ROBO1: variants seen among roughly 807,000 people sequenced by gnomAD.
The protein encoded by ROBO1 is roundabout homolog 1.
Under a neutral mutation model 195.9 loss-of-function variants are expected in ROBO1, and 149 were observed. That is an observed-to-expected ratio of 0.76 (90% confidence interval 0.67 to 0.87). ROBO1 has a LOEUF of 0.87. Ranked by LOEUF, ROBO1 falls within the 40% of genes least tolerant of loss-of-function variation. The pLI, the probability that ROBO1 is intolerant of heterozygous loss-of-function variation, is 0.00. For missense variants in ROBO1, 1,933 were observed against 2,068.3 expected, an observed-to-expected ratio of 0.93 and a Z score of 1.27; for synonymous variants, 816 against 733.2, an observed-to-expected ratio of 1.11 and a Z score of -1.82.
chr3:78,699,892 TA>T (rs2081383051), intron 8 of ROBO1, among the ~76,000 whole-genome samples: 1 of 152,066 alleles, frequency 6.6e-6, no homozygotes, highest in Admixed American at 6.6e-5. Flanking sequence ...AGAGCTCAGT[TA>T]AAAAATTACT....
At chr3:79,260,785 C>T (rs1420233963) in intron 2 of ROBO1, among the ~76,000 whole-genome samples, 1 of 152,038 alleles carries the variant, frequency 6.6e-6, no homozygotes, top group African/African-American at 2.4e-5. Context: ...GGAGCAATCA[C>T]AATTTTTTAA....
chr3:79,484,207 G>T (rs780546793), intron 2 of ROBO1, among the ~76,000 whole-genome samples: 3 of 152,142 alleles, frequency 2.0e-5, no homozygotes, highest in Non-Finnish European at 2.9e-5. Context: ...GTAAAGTGGG[G>T]TGATACATGT....
intron 2 of ROBO1, among the ~76,000 whole-genome samples, chr3:79,439,840 C>T (rs1024969586): frequency 6.6e-6 from 1 of 151,848 alleles, no homozygotes; most frequent in Non-Finnish European, 1.5e-5. Flanking sequence ...TAAATCAATA[C>T]TAAAACAAGA....
chr3:79,019,859 TA>T (rs760605704), intron 3 of ROBO1, among the ~76,000 whole-genome samples: 97 of 146,640 alleles, frequency 6.6e-4, no homozygotes, highest in Middle Eastern at 7.1e-3. Flanking sequence ...CATTCCCATT[TA>T]AAAAAAAAAA....
Position 78,852,929 on chromosome 3 carries a change from T to C in ROBO1, c.499+85672A>G, listed in dbSNP as rs550029611. On this transcript the variant is annotated intron_variant, in intron 4 of 30. Coordinates refer to ENST00000464233, the MANE Select transcript of ROBO1 (RefSeq NM_002941.4). Reference sequence around the variant, plus strand: ...ATTCACGGTAGCCACTGAATGGGAATAGAATGGTTCATAGGTTTATGCATA... The same window carrying C: ...ATTCACGGTAGCCACTGAATGGGAACAGAATGGTTCATAGGTTTATGCATA... Among the ~76,000 whole-genome samples the C allele has an allele frequency of 3.9e-5, 6 of 152,190 alleles. No individual in the cohort carries two copies. The East Asian group carries it at 1.2e-3, about 29-fold the overall frequency.
chr3:78,614,677 C>T lies in ROBO1; in HGVS notation c.4406G>A (p.Gly1469Glu). 1.2e-6 allele frequency: 2 copies of T among 1,613,712 alleles called. No individual in the cohort carries two copies. The highest frequency in any genetic ancestry group is 1.7e-6 in the Non-Finnish European group (2 of 1,179,810). The change falls in exon 28 of 31, where the codon GGA becomes GAA. Residue 1469 changes from glycine to glutamate, a missense_variant. Gly to Glu is a moderately conservative substitution (Grantham distance 98). Around this residue, in one of 3 missense-constraint regions of ROBO1, gnomAD observed 1,737 missense variants for 1,882.5 expected, o/e 0.92. Coordinates refer to ENST00000464233, the MANE Select transcript of ROBO1 (RefSeq NM_002941.4). ...RPAKKLKHQP[G>E]HLRRETYTDD... ...TGTGTAGGTTTCTCTGCGCAGATGT[C>T]CTGGCTGGTGTTTCAGTTTCTTGGC...
Position 79,206,243 on chromosome 3 carries a change from TTGTAG to T in ROBO1, c.89-80709_89-80705del, listed in dbSNP as rs2081864019. Among the ~76,000 whole-genome samples the T allele has an allele frequency of 2.0e-5, 3 of 152,218 alleles. No homozygotes were observed. The South Asian group carries it at 6.2e-4, about 32-fold the overall frequency. ...GGTTATCAGATTGACTGTCATGGGA[TTGTAG>T]TACTTGTTTTCAAGTAATCATTATT... On this transcript the variant is annotated intron_variant, in intron 2 of 30. Transcript: ENST00000464233.
chr3:78,804,663 G>A (rs1459785828), intron 4 of ROBO1, among the ~76,000 whole-genome samples: 3 of 145,398 alleles, frequency 2.1e-5, no homozygotes, highest in African/African-American at 7.7e-5. Flanking sequence ...ATTAATGAAT[G>A]GTCAGGAATT....
intron 3 of ROBO1, among the ~76,000 whole-genome samples, chr3:78,943,989 T>C (rs1010658524): frequency 2.6e-5 from 4 of 152,208 alleles, no homozygotes; most frequent in Middle Eastern, 6.3e-3. Flanking sequence ...AAAAGTATAA[T>C]GAATTATTAT....
chr3:79,334,559 T>C (rs1050841135), intron 2 of ROBO1, among the ~76,000 whole-genome samples: 6 of 151,772 alleles, frequency 4.0e-5, no homozygotes, highest in African/African-American at 1.5e-4. Context: ...AAGAAATAAA[T>C]GAATGTGTGA....
intron 3 of ROBO1, among the ~76,000 whole-genome samples, chr3:79,028,520 C>T (rs113730408): frequency 2.6e-5 from 4 of 152,052 alleles, no homozygotes; most frequent in African/African-American, 9.6e-5. Flanking sequence ...TGAAGGTGTG[C>T]ATAATCTGAT....
At chr3:78,864,368 T>TA (rs2035034614) in intron 4 of ROBO1, among the ~76,000 whole-genome samples, 1 of 152,194 alleles carries the variant, frequency 6.6e-6, no homozygotes, top group African/African-American at 2.4e-5. Flanking sequence ...TAAATTGATA[T>TA]AGCATATCCC....
chr3:79,165,783 A>G (rs1227734421), intron 2 of ROBO1, among the ~76,000 whole-genome samples: 3 of 152,198 alleles, frequency 2.0e-5, no homozygotes, highest in African/African-American at 7.2e-5. Flanking sequence ...ATAGGCTTCA[A>G]TCCCCAGATA....
intron 2 of ROBO1, among the ~76,000 whole-genome samples, chr3:79,242,983 TC>T (rs375338180): frequency 0.29 from 17,447 of 59,798 alleles, 2,287 homozygotes; most frequent in African/African-American, 0.48. Context: ...CCCTCCCCCC[TC>T]CCCCCCACCC....
intron 2 of ROBO1, among the ~76,000 whole-genome samples, chr3:79,152,477 C>T (rs570318308): frequency 6.6e-6 from 1 of 151,646 alleles, no homozygotes; most frequent in Non-Finnish European, 1.5e-5. Context: ...GAAAGTGTGC[C>T]CTCATTTTTA....
intron 4 of ROBO1, among the ~76,000 whole-genome samples, chr3:78,927,640 G>T (rs2039294851): frequency 6.6e-6 from 1 of 152,084 alleles, no homozygotes; most frequent in Non-Finnish European, 1.5e-5. Flanking sequence ...TATATATTTT[G>T]AGAAAAGCCA....
At chr3:79,360,054 C>A (rs896571167) in intron 2 of ROBO1, among the ~76,000 whole-genome samples, 1 of 151,968 alleles carries the variant, frequency 6.6e-6, no homozygotes, top group Admixed American at 6.6e-5. Context: ...GTACTCAAGA[C>A]AATAGCATGA....
chr3:79,717,815 G>A (rs910164100), intron 1 of ROBO1, among the ~76,000 whole-genome samples: 1 of 152,104 alleles, frequency 6.6e-6, no homozygotes, highest in African/African-American at 2.4e-5. Context: ...GTGTGTGAAT[G>A]TATTCAGATG....
At chr3:79,326,834 C>A (rs567669980) in intron 2 of ROBO1, among the ~76,000 whole-genome samples, 1 of 152,002 alleles carries the variant, frequency 6.6e-6, no homozygotes, top group African/African-American at 2.4e-5. Context: ...TATGATCATA[C>A]CTCTCAAGAA....
Sources: allele counts gnomAD v4.1 joint callset (sites outside exome capture counted in the v4.1 genomes callset), GRCh38; gene constraint gnomAD v4.1.1; regional missense constraint gnomAD v4.1.1; transcripts MANE v1.5; gene names NCBI Gene and HGNC (gene_info 2026-07-23, HGNC 2026-07-21).